Variants in ASF1A observed in about 807,000 individuals in gnomAD.
ASF1A encodes the protein anti-silencing function 1A histone chaperone, also known as histone chaperone ASF1A.
Under a neutral mutation model 22.0 loss-of-function variants are expected in ASF1A, and 5 were observed. The ratio of observed to expected loss-of-function variants is 0.23; its 90% CI spans 0.12 to 0.48. The LOEUF (loss-of-function observed/expected upper bound fraction) is 0.48, where lower values mean the gene tolerates loss of function less well. Ranked by LOEUF, ASF1A falls within the 20% of genes least tolerant of loss-of-function variation. ASF1A has a pLI of 0.99. For synonymous variants in ASF1A, 97 were observed against 86.7 expected (o/e 1.12, Z -0.66); for missense variants, 137 against 240.6 (o/e 0.57, Z 2.85).
chr6:118,908,934 T>A lies in ASF1A; in HGVS notation c.*1320T>A, dbSNP rs1780349281. On this transcript the variant is annotated 3_prime_UTR_variant, in exon 4 of 4. Coordinates refer to ENST00000229595, the MANE Select transcript of ASF1A (RefSeq NM_014034.3). ...GTCTAAACATGGATTCTGAGTTGTA[T>A]ATATTTCCTATCATTCTAAAAAAGT... 3 of 152,628 alleles carry A rather than the reference T, an allele frequency of 2.0e-5. No homozygotes were observed. Among genetic ancestry groups the A allele is most frequent in the Admixed American group, 2.0e-4 (3 of 15,282 alleles). The allele number at this position is 152,628 out of a possible 1,614,324, so 9.5% of individuals were successfully genotyped here.
Position 118,908,370 on chromosome 6 carries a change from C to T in ASF1A, c.*756C>T, listed in dbSNP as rs1181745400. The T allele has an allele frequency of 6.6e-6, 1 of 152,072 alleles. No individual in the cohort carries two copies. The highest frequency in any genetic ancestry group is 1.5e-5 in the Non-Finnish European group (1 of 67,982). The allele number at this position is 152,072 out of a possible 1,614,324, so 9.4% of individuals were successfully genotyped here. A position where few individuals can be genotyped will look rare whatever the true frequency, so the allele number is the denominator to read the frequency against. ...ATACAATATCGGGAGAAAATACAAA[C>T]TCCCTGTGTTTAAGAATAGGGGATT... On this transcript the variant is annotated 3_prime_UTR_variant, in exon 4 of 4. Coordinates refer to ENST00000229595, the MANE Select transcript of ASF1A (RefSeq NM_014034.3).
At chr6:118,900,620 A>G in intron 1 of ASF1A, 146 bp from the exon 2 acceptor site, 1 of 632,194 alleles carries the variant, frequency 1.6e-6, no homozygotes, top group Non-Finnish European at 2.8e-6. Flanking sequence ...GAACTTTATA[A>G]GGAGCATTTC....
Position 118,908,934 on chromosome 6 carries a change from T to C in ASF1A, c.*1320T>C, listed in dbSNP as rs1780349281. 1 of 152,628 alleles carries C rather than the reference T, an allele frequency of 6.6e-6. No homozygotes were observed. Among genetic ancestry groups the C allele is most frequent in the Admixed American group, 6.5e-5 (1 of 15,282 alleles). 9.5% of individuals were successfully genotyped at this position (152,628 alleles called of 1,614,324 possible). A position where few individuals can be genotyped will look rare whatever the true frequency, so the allele number is the denominator to read the frequency against. On this transcript the variant is annotated 3_prime_UTR_variant, in exon 4 of 4. Transcript: ENST00000229595. Reference sequence around the variant, plus strand: ...GTCTAAACATGGATTCTGAGTTGTATATATTTCCTATCATTCTAAAAAAGT... The same window carrying C: ...GTCTAAACATGGATTCTGAGTTGTACATATTTCCTATCATTCTAAAAAAGT...
Position 118,894,451 on chromosome 6 carries a change from A to C in ASF1A, c.38A>C (p.Asp13Ala). The stretch of plus-strand genomic sequence containing the variant: ...CAGGTGAACAATGTAGTGGTGCTGG[A>C]TAACCCTTCTCCTTTCTACAACCCG... ...KVQVNNVVVL[D>A]NPSPFYNPFQ... Residue 13 changes from aspartate (D) to alanine (A), a missense_variant, in exon 1 of 4, where the codon GAT (aspartate) becomes GCT (alanine). Asp to Ala is a moderately radical substitution (Grantham distance 126, BLOSUM62 -2). Transcript: ENST00000229595. 1 of 1,537,138 alleles carries C rather than the reference A, an allele frequency of 6.5e-7. No individual in the cohort carries two copies. The highest frequency in any genetic ancestry group is 8.7e-7 in the Non-Finnish European group (1 of 1,146,816).
intron 3 of ASF1A, among the ~76,000 whole-genome samples, chr6:118,906,785 G>A (rs543512002): frequency 6.6e-6 from 1 of 152,310 alleles, no homozygotes; most frequent in South Asian, 2.1e-4. Flanking sequence ...AGAGTGCAGA[G>A]TAAATGAAGT....
At chr6:118,894,641 T>C (rs1779220392) in intron 1 of ASF1A, 119 bp downstream of exon 1, 1 of 857,534 alleles carries the variant, frequency 1.2e-6, no homozygotes, top group Non-Finnish European at 1.8e-6. Flanking sequence ...CGGGCTGCTC[T>C]GCGGAGGGAA....
At chr6:118,896,713 G>A (rs1010840265) in intron 1 of ASF1A, among the ~76,000 whole-genome samples, 4 of 152,110 alleles carry the variant, frequency 2.6e-5, no homozygotes, top group Admixed American at 2.0e-4. Flanking sequence ...TGCCATGCCT[G>A]TATACTCCAC....
chr6:118,894,327 G>C lies in ASF1A; in HGVS notation c.-87G>C. On this transcript the variant is annotated 5_prime_UTR_variant, in exon 1 of 4. Coordinates refer to ENST00000229595, the MANE Select transcript of ASF1A (RefSeq NM_014034.3). Reference sequence around the variant, plus strand: ...GACGTCTGGCCGGCGCTGGAGCGGGGGTCTGCGCTCTCCCGAGCGGCCGCG... The same window carrying C: ...GACGTCTGGCCGGCGCTGGAGCGGGCGTCTGCGCTCTCCCGAGCGGCCGCG... 6 of 1,525,974 alleles carry C rather than the reference G, an allele frequency of 3.9e-6. No homozygotes were observed. Among genetic ancestry groups the C allele is most frequent in the Non-Finnish European group, 5.3e-6 (6 of 1,139,532 alleles). The allele number at this position is 1,525,974 out of a possible 1,614,324, so 94.5% of individuals were successfully genotyped here. A position where few individuals can be genotyped will look rare whatever the true frequency, so the allele number is the denominator to read the frequency against.
At chr6:118,895,008 T>G (rs941912706) in intron 1 of ASF1A, among the ~76,000 whole-genome samples, 2 of 152,018 alleles carry the variant, frequency 1.3e-5, no homozygotes, top group South Asian at 2.1e-4. Flanking sequence ...CGCCTCCTCT[T>G]GCCCCGCCGC....
At chr6:118,895,191 C>A (rs938052734) in intron 1 of ASF1A, among the ~76,000 whole-genome samples, 1 of 151,738 alleles carries the variant, frequency 6.6e-6, no homozygotes, top group Non-Finnish European at 1.5e-5. Context: ...AGGCTCGGCC[C>A]CTCCGCGCCG....
At position 118,903,030 on chromosome 6, in the gene ASF1A, C is replaced by T. The variant is rs1779909581; in HGVS notation, c.225+2149C>T. ...CTAAATTATTTGAAAGGCCTGTAAG[C>T]TTCTCTACTTAAATTTGCTCAAACT... is the stretch of plus-strand genomic sequence containing the variant. On this transcript the variant is annotated intron_variant, in intron 2 of 3. Transcript: ENST00000229595. 2.0e-5 allele frequency among the ~76,000 whole-genome samples: 3 copies of T among 152,180 alleles called. No individual in the cohort carries two copies. In the South Asian group the frequency reaches 6.2e-4, roughly 31 times the overall value.
intron 3 of ASF1A, among the ~76,000 whole-genome samples, chr6:118,907,088 C>G (rs1285711810): frequency 2.0e-5 from 3 of 152,136 alleles, no homozygotes; most frequent in Non-Finnish European, 2.9e-5. Context: ...TCTTCTGAAG[C>G]ATTCATTTTC....
rs184477504 is a variant in ASF1A at position 118,897,785 on chromosome 6, C to G, written c.110-2981C>G. On this transcript the variant is annotated intron_variant, in intron 1 of 3. Coordinates refer to ENST00000229595, the MANE Select transcript of ASF1A (RefSeq NM_014034.3). The stretch of plus-strand genomic sequence containing the variant: ...AAAACATCTGACCTTACCCTTCCTC[C>G]CTCAAATACAGGGGGCAGAGGAATT... Among the ~76,000 whole-genome samples, 145 of 151,950 alleles carry G rather than the reference C, an allele frequency of 9.5e-4. 1 individual carries two copies. The highest frequency in any genetic ancestry group is 3.3e-3 in the African/African-American group (138 of 41,422).
At position 118,899,102 on chromosome 6, in the gene ASF1A, C is replaced by T. The variant is rs186041281; in HGVS notation, c.110-1664C>T. 1.8e-4 allele frequency among the ~76,000 whole-genome samples: 28 copies of T among 152,298 alleles called. 1 individual carries two copies. In the East Asian group the frequency reaches 3.9e-3, roughly 21 times the overall value. ...TATCCAGAATATAACTGTTGCACAG[C>T]CCCATGGCCACACGAGGTCCATGCC... On this transcript the variant is annotated intron_variant, in intron 1 of 3. Transcript: ENST00000229595.
rs773192408 is a variant in ASF1A, at chr6:118,907,840, A to C, written c.*226A>C. On this transcript the variant is annotated 3_prime_UTR_variant, in exon 4 of 4. Coordinates refer to ENST00000229595, the MANE Select transcript of ASF1A (RefSeq NM_014034.3). ...GTGTTATTTTATTTGTTCTGAAACT[A>C]ATCTGATTAAAGCATATATATTATT... 2.2e-5 allele frequency: 10 copies of C among 452,160 alleles called. No individual in the cohort carries two copies. The highest frequency in any genetic ancestry group is 3.6e-5 in the Non-Finnish European group (9 of 252,404). The allele number at this position is 452,160 out of a possible 1,614,324, so 28.0% of individuals were successfully genotyped here.
At chr6:118,902,525 A>G (rs1391941036) in intron 2 of ASF1A, among the ~76,000 whole-genome samples, 1 of 118,120 alleles carries the variant, frequency 8.5e-6, no homozygotes, top group Non-Finnish European at 1.6e-5. Flanking sequence ...GGTACTGATA[A>G]TACTTTTTTT....
chr6:118,904,539 G>A (rs926401600), intron 2 of ASF1A, among the ~76,000 whole-genome samples: 2 of 152,112 alleles, frequency 1.3e-5, no homozygotes, highest in Non-Finnish European at 2.9e-5. Flanking sequence ...CCTTCCATCC[G>A]GTCGTCTCAT....
chr6:118,897,624 TC>T (rs1779517238), intron 1 of ASF1A, among the ~76,000 whole-genome samples: 1 of 152,042 alleles, frequency 6.6e-6, no homozygotes, highest in South Asian at 2.1e-4. Context: ...CTTGATGACT[TC>T]CCTCATTCAC....
At chr6:118,895,699 T>C (rs1303243943) in intron 1 of ASF1A, among the ~76,000 whole-genome samples, 2 of 152,238 alleles carry the variant, frequency 1.3e-5, no homozygotes, top group East Asian at 3.8e-4. Flanking sequence ...AATTATCTTT[T>C]ACTAAAGTAA....
Sources: allele counts gnomAD v4.1 joint callset (sites outside exome capture counted in the v4.1 genomes callset), GRCh38; gene constraint gnomAD v4.1.1; transcripts MANE v1.5; gene names NCBI Gene and HGNC (gene_info 2026-07-23, HGNC 2026-07-21).